Variants in RTL4 observed in about 807,000 individuals in gnomAD.
RTL4 encodes the protein retrotransposon Gag like 4.
Under a neutral mutation model 5.3 loss-of-function variants are expected in RTL4, and 4 were observed. The observed-to-expected ratio is 0.75, with a 90% CI of 0.37 to 1.72. RTL4 has a LOEUF of 1.72. Ranked by LOEUF, RTL4 falls within the 40% of genes most tolerant of loss-of-function variation. The pLI, the probability that RTL4 is intolerant of heterozygous loss-of-function variation, is 0.04. For synonymous variants in RTL4, 98 were observed against 87.3 expected, an observed-to-expected ratio of 1.12 and a Z score of -0.68; for missense variants, 260 against 227.1, an observed-to-expected ratio of 1.14 and a Z score of -0.93.
At chrX:112,345,182 T>C in the RTL4 span, among the ~76,000 whole-genome samples, 545 of 111,276 alleles carry the variant, frequency 4.9e-3, 2 homozygotes, top group African/African-American at 0.017. Context: ...ATGTCCGTTG[T>C]GGGCTGTTGA....
At chrX:112,310,135 A>G in the RTL4 span, among the ~76,000 whole-genome samples, 1 of 102,775 alleles carries the variant, frequency 9.7e-6, no homozygotes, top group Admixed American at 1.1e-4. Flanking sequence ...CCAAATTCAT[A>G]TGTTGAAGCC....
At chrX:112,219,631 G>C in the RTL4 span, among the ~76,000 whole-genome samples, 1 of 112,105 alleles carries the variant, frequency 8.9e-6, no homozygotes, top group Non-Finnish European at 1.9e-5. Flanking sequence ...AATTATCAAG[G>C]AGACTATTTG....
At chrX:112,086,031 T>C in the RTL4 span, among the ~76,000 whole-genome samples, 1 of 111,787 alleles carries the variant, frequency 8.9e-6, no homozygotes, top group African/African-American at 3.3e-5. Flanking sequence ...TAAGAAACTA[T>C]TGACCTTTCT....
At chrX:112,250,151 C>T in the RTL4 span, among the ~76,000 whole-genome samples, 44 of 109,900 alleles carry the variant, frequency 4.0e-4, no homozygotes, top group African/African-American at 1.5e-3. Context: ...TGGTGGCTGG[C>T]GCCTGTAGTC....
the RTL4 span, among the ~76,000 whole-genome samples, chrX:112,225,843 G>T: frequency 8.9e-6 from 1 of 112,050 alleles, no homozygotes; most frequent in Non-Finnish European, 1.9e-5. Context: ...TGGAAAAAAT[G>T]GAGATTCCCT....
At chrX:112,105,360 C>T in the RTL4 span, among the ~76,000 whole-genome samples, 2 of 111,078 alleles carry the variant, frequency 1.8e-5, no homozygotes, top group South Asian at 7.4e-4. Context: ...AGATTGCTTT[C>T]ATTATTCTGG....
At chrX:112,200,096 C>G in the RTL4 span, among the ~76,000 whole-genome samples, 2 of 111,956 alleles carry the variant, frequency 1.8e-5, no homozygotes, top group African/African-American at 6.5e-5. Flanking sequence ...GAAACTCAAA[C>G]CTAGAGGAAG....
chrX:112,119,745 A>G, the RTL4 span, among the ~76,000 whole-genome samples: 1 of 111,682 alleles, frequency 9.0e-6, no homozygotes, highest in African/African-American at 3.3e-5. Flanking sequence ...CAAATTTAAA[A>G]CATCTGTTGT....
the RTL4 span, among the ~76,000 whole-genome samples, chrX:112,117,134 C>A: frequency 9.1e-6 from 1 of 109,892 alleles, no homozygotes; most frequent in Non-Finnish European, 1.9e-5. Context: ...TCTTAAAAAT[C>A]GTTATATGGT....
At chrX:112,323,932 G>A in the RTL4 span, among the ~76,000 whole-genome samples, 2 of 111,899 alleles carry the variant, frequency 1.8e-5, no homozygotes, top group African/African-American at 3.3e-5. Flanking sequence ...ATTTTATAAA[G>A]CTATAATTAA....
At chrX:112,192,148 G>C in the RTL4 span, among the ~76,000 whole-genome samples, 1 of 101,411 alleles carries the variant, frequency 9.9e-6, no homozygotes, top group Non-Finnish European at 2.0e-5. Context: ...CCTTTAATAG[G>C]TTTTTTTTTG....
At chrX:112,089,308 A>T in the RTL4 span, among the ~76,000 whole-genome samples, 1 of 111,047 alleles carries the variant, frequency 9.0e-6, no homozygotes, top group Non-Finnish European at 1.9e-5. Context: ...TGTTATATTT[A>T]AGAAACCATA....
the RTL4 span, among the ~76,000 whole-genome samples, chrX:112,407,792 G>A: frequency 8.9e-6 from 1 of 112,900 alleles, no homozygotes; most frequent in Non-Finnish European, 1.9e-5. Context: ...CCAGCTCCAG[G>A]AAGCTCAGAA....
chrX:112,452,940 G>A (rs753514356), upstream of RTL4, among the ~76,000 whole-genome samples: 1 of 110,398 alleles, frequency 9.1e-6, no homozygotes, highest in African/African-American at 3.3e-5. Context: ...GCTGAGGCAG[G>A]AGAATCGCTT....
chrX:112,352,124 T>C, the RTL4 span, among the ~76,000 whole-genome samples: 4 of 111,096 alleles, frequency 3.6e-5, no homozygotes, highest in African/African-American at 1.3e-4. Flanking sequence ...CCTTCACTTA[T>C]GAAGCTTAGT....
the RTL4 span, among the ~76,000 whole-genome samples, chrX:112,343,383 C>A: frequency 9.0e-6 from 1 of 111,665 alleles, no homozygotes; most frequent in Non-Finnish European, 1.9e-5. Context: ...ATCTTATTAT[C>A]TCTTACTTTT....
chrX:112,259,280 T>C, the RTL4 span, among the ~76,000 whole-genome samples: 2 of 111,756 alleles, frequency 1.8e-5, no homozygotes, highest in Non-Finnish European at 3.8e-5. Context: ...AGTTTTGTTT[T>C]ATGCTTCTTA....
At chrX:112,254,986 G>A in the RTL4 span, among the ~76,000 whole-genome samples, 2 of 111,748 alleles carry the variant, frequency 1.8e-5, no homozygotes, top group African/African-American at 3.2e-5. Flanking sequence ...CACAGGGGCT[G>A]GGGAAGTCAA....
At chrX:112,240,518 T>A in the RTL4 span, among the ~76,000 whole-genome samples, 8 of 111,643 alleles carry the variant, frequency 7.2e-5, no homozygotes, top group South Asian at 3.0e-3. Flanking sequence ...GATTTTATAA[T>A]CAATTGTTAA....
Sources: gnomAD v4.1 joint callset for allele counts (sites outside exome capture counted in the v4.1 genomes callset) on GRCh38, gnomAD v4.1.1 for gene constraint, MANE v1.5 for transcripts, NCBI Gene and HGNC (gene_info 2026-07-23, HGNC 2026-07-21) for gene names.